The following DMXL2 variants were observed in gnomAD, a reference collection of about 807,000 sequenced individuals.
DMXL2 encodes Dmx like 2, also known as dmX-like protein 2.
DMXL2 carries 103 observed loss-of-function variants against 331.1 expected under a neutral mutation model. That is an observed-to-expected ratio of 0.31 (90% CI 0.27 to 0.37). The LOEUF is 0.37. Among genes scored for constraint, DMXL2 ranks in the 10% least tolerant of loss-of-function variants. DMXL2 has a pLI of 1.00. For missense variants in DMXL2, 3,171 were observed against 3,642.9 expected (o/e 0.87, Z 3.33); for synonymous variants, 1,281 against 1,252.1 (o/e 1.02, Z -0.49).
chr15:51,596,621 CAT>C (rs1166201791), intron 1 of DMXL2, among the ~76,000 whole-genome samples: 1 of 152,196 alleles, frequency 6.6e-6, no homozygotes, highest in Non-Finnish European at 1.5e-5. Context: ...CACATGCACA[CAT>C]ATGTTTACTG....
chr15:51,514,499 G>T lies in DMXL2; in HGVS notation c.2587C>A (p.Pro863Thr). ...FQEDFIIGYK[P>T]HKEDMEKKET... The stretch of plus-strand genomic sequence containing the variant: ...TTTTTCTCCATATCTTCCTTATGTG[G>T]TTTATATCCTATAATGAAGTCTTCT... Residue 863 changes from proline (P) to threonine (T), a missense_variant, in exon 15 of 44, where the codon CCA becomes ACA. Around this residue, in one of 7 missense-constraint regions of DMXL2, gnomAD observed 1,674 missense variants for 1,780.2 expected, o/e 0.94. Transcript: ENST00000560891. 6.3e-7 allele frequency: 1 copy of T among 1,599,068 alleles called. No individual in the cohort carries two copies. Among genetic ancestry groups the T allele is most frequent in the Non-Finnish European group, 8.5e-7 (1 of 1,172,604 alleles).
chr15:51,536,543 T>G lies in DMXL2; in HGVS notation c.1937A>C (p.Tyr646Ser). 1 of 1,613,922 alleles carries G rather than the reference T, an allele frequency of 6.2e-7. No individual in the cohort carries two copies. The highest frequency in any genetic ancestry group is 8.5e-7 in the Non-Finnish European group (1 of 1,179,928). ...ATTGAGGTGAAATCGATGACCGCAA[T>G]ATCTAAATTTGTGAGATACAGTTAG... is the stretch of plus-strand genomic sequence containing the variant. ...TVLTVSHKFRYCGHRFHLNDL... is the reference protein window; with the variant it reads ...TVLTVSHKFRSCGHRFHLNDL... Residue 646 changes from tyrosine (Y) to serine (S), a missense_variant, in exon 12 of 44, where the codon TAT becomes TCT. Physicochemically the swap from Tyr to Ser is moderately radical, Grantham distance 144 (BLOSUM62 -2). Around this residue, in one of 7 missense-constraint regions of DMXL2, gnomAD observed 1,674 missense variants for 1,780.2 expected, o/e 0.94. Coordinates refer to ENST00000560891, the MANE Select transcript of DMXL2 (RefSeq NM_001378457.1).
intron 1 of DMXL2, among the ~76,000 whole-genome samples, chr15:51,599,574 T>C (rs1367619939): frequency 1.3e-5 from 2 of 152,250 alleles, no homozygotes; most frequent in Non-Finnish European, 2.9e-5. Flanking sequence ...AATATATGCA[T>C]GTATACATAC....
In DMXL2 at chr15:51,499,982, C is replaced by T. The variant is rs757597201; in HGVS notation, c.3242G>A (p.Arg1081His). 2.5e-6 allele frequency: 4 copies of T among 1,613,998 alleles called. No homozygotes were observed. Among genetic ancestry groups the T allele is most frequent in the Admixed American group, 3.3e-5 (2 of 59,994 alleles). The change falls in exon 18 of 44, where the codon CGC (arginine) becomes CAC (histidine). Residue 1081 changes from arginine (R) to histidine (H), a missense_variant. Physicochemically the swap from Arg to His is conservative, Grantham distance 29. This residue lies in a region of DMXL2 where 1,674 missense variants were observed against 1,780.2 expected (regional missense o/e 0.94). Transcript: ENST00000560891. ...AGGCTGCTTATAAGCCACTGCAAGG[C>T]GACCTGTGTATGAACAGCTAACAGC... ...PVAVSCSYTGRLAVAYKQPIH... is the reference protein window; with the variant it reads ...PVAVSCSYTGHLAVAYKQPIH...
At position 51,455,205 on chromosome 15, in the gene DMXL2, A is replaced by C. The variant is rs754554055; in HGVS notation, c.8550T>G (p.Gly2850=). The C allele has an allele frequency of 6.2e-7, 1 of 1,613,896 alleles. No homozygotes were observed. The highest frequency in any genetic ancestry group is 8.5e-7 in the Non-Finnish European group (1 of 1,179,942). ...GGTTAACTTGCCAGATACTCAGAAA[A>C]CCCTCTCCATCCGCAACACCACACT... ...GNKCGVADGE[G]FLSIWQVNQT... The change falls in exon 40 of 44, where the codon GGT becomes GGG. Residue 2850 remains glycine (G), a synonymous_variant. Coordinates refer to ENST00000560891, the MANE Select transcript of DMXL2 (RefSeq NM_001378457.1).
Position 51,479,953 on chromosome 15 carries a change from C to T in DMXL2, c.6751G>A (p.Val2251Met). Reference sequence around the variant, plus strand: ...GATCATAAACTTTACATTACCTTCACATCTTCAATACTGGGATGAGGTGGT... The same window carrying T: ...GATCATAAACTTTACATTACCTTCATATCTTCAATACTGGGATGAGGTGGT... ...KTPPHPSIED[V>M]KVHTLHSLAA... The change falls in exon 25 of 44, where the codon GTG (valine) becomes ATG (methionine). Residue 2251 changes from valine to methionine, a missense_variant. Coordinates refer to ENST00000560891, the MANE Select transcript of DMXL2 (RefSeq NM_001378457.1). 1.3e-6 allele frequency: 2 copies of T among 1,507,634 alleles called. No homozygotes were observed. Among genetic ancestry groups the T allele is most frequent in the Non-Finnish European group, 1.8e-6 (2 of 1,114,992 alleles). The allele number at this position is 1,507,634 out of a possible 1,614,324, so 93.4% of individuals were successfully genotyped here.
In DMXL2 at chr15:51,504,005, G is replaced by A. The variant is rs893803353; in HGVS notation, c.2765-972C>T. 2.0e-5 allele frequency among the ~76,000 whole-genome samples: 3 copies of A among 151,834 alleles called. No homozygotes were observed. The East Asian group carries it at 5.8e-4, about 29-fold the overall frequency. On this transcript the variant is annotated intron_variant, in intron 16 of 43. Transcript: ENST00000560891. The stretch of plus-strand genomic sequence containing the variant: ...GACTGACAGGGAAGAATCACAACAT[G>A]TAAAAGCTAAAAGAAACCCCTTATA...
chr15:51,499,672 T>A lies in DMXL2; in HGVS notation c.3552A>T (p.Thr1184=). 6.2e-7 allele frequency: 1 copy of A among 1,614,026 alleles called. No homozygotes were observed. Among genetic ancestry groups the A allele is most frequent in the Non-Finnish European group, 8.5e-7 (1 of 1,179,968 alleles). Residue 1184 remains threonine, a synonymous_variant, in exon 18 of 44, where the codon ACA becomes ACT. Coordinates refer to ENST00000560891, the MANE Select transcript of DMXL2 (RefSeq NM_001378457.1). ...VSKEDGSHIL[T]VGVGANIFMY... Reference sequence around the variant, plus strand: ...TGAAGATATTCGCACCGACTCCCACTGTAAGAATGTGGGAGCCATCTTCTT... The same window carrying A: ...TGAAGATATTCGCACCGACTCCCACAGTAAGAATGTGGGAGCCATCTTCTT...
intron 13 of DMXL2, among the ~76,000 whole-genome samples, chr15:51,521,298 A>C (rs1248460800): frequency 6.6e-6 from 1 of 152,118 alleles, no homozygotes; most frequent in African/African-American, 2.4e-5. Context: ...TTACCTCTAA[A>C]GTATGGATAG....
chr15:51,503,025 AAGCTTT>A lies in DMXL2; in HGVS notation c.2767_2772del (p.Lys923_Ala924del). The A allele has an allele frequency of 6.2e-7, 1 of 1,603,662 alleles. No individual in the cohort carries two copies. The highest frequency in any genetic ancestry group is 1.1e-5 in the South Asian group (1 of 89,442). ...AGACTCTCAGAGGAAGCCCCTTCTG[AAGCTTT>A]AGCTTTAAAAATAAATTATAAAATT... On this transcript the variant is annotated inframe_deletion and splice_region_variant, in exon 17 of 44. Transcript: ENST00000560891.
intron 21 of DMXL2, 82 bp from the exon 22 acceptor site, chr15:51,488,201 C>G: frequency 1.6e-6 from 2 of 1,257,098 alleles, no homozygotes; most frequent in Non-Finnish European, 2.1e-6. Context: ...AAATAAAAAC[C>G]TCAAACAGAA....
chr15:51,452,028 GCATGTGTTGCTAATGAAAAC>G (rs1329153298), intron 41 of DMXL2, among the ~76,000 whole-genome samples: 1 of 152,204 alleles, frequency 6.6e-6, no homozygotes, highest in Non-Finnish European at 1.5e-5. Flanking sequence ...TTATTCATGG[GCATGTGTTGCTAATGAAAAC>G]CATGTGAGGT....
chr15:51,541,822 C>T (rs2048613313), intron 9 of DMXL2, among the ~76,000 whole-genome samples: 1 of 152,062 alleles, frequency 6.6e-6, no homozygotes, highest in Non-Finnish European at 1.5e-5. Flanking sequence ...CCTCAAAATA[C>T]TTCTCAGTCA....
Position 51,491,623 on chromosome 15 carries a change from T to A in DMXL2, c.4908A>T (p.Gly1636=). ...QWSELRAMGI[G]WWVRNINTLR... ...GCGTGTTAATGTTCCTCACCCACCATCCTATGCCCATAGCTCTTAATTCAG... is the reference window on the plus strand; with the variant it reads ...GCGTGTTAATGTTCCTCACCCACCAACCTATGCCCATAGCTCTTAATTCAG... The change falls in exon 20 of 44, where the codon GGA becomes GGT. Residue 1636 remains glycine (G), a synonymous_variant. Coordinates refer to ENST00000560891, the MANE Select transcript of DMXL2 (RefSeq NM_001378457.1). 1 of 1,612,416 alleles carries A rather than the reference T, an allele frequency of 6.2e-7. No homozygotes were observed. The highest frequency in any genetic ancestry group is 8.5e-7 in the Non-Finnish European group (1 of 1,179,466).
At chr15:51,595,286 C>A (rs936180121) in intron 1 of DMXL2, among the ~76,000 whole-genome samples, 5 of 152,136 alleles carry the variant, frequency 3.3e-5, no homozygotes, top group African/African-American at 1.2e-4. Context: ...AACAGACAAA[C>A]AGAGAGCCAA....
At chr15:51,450,382 A>T (rs1460086321) in intron 42 of DMXL2, 36 bp from the exon 43 acceptor site, 1 of 1,599,698 alleles carries the variant, frequency 6.3e-7, no homozygotes, top group East Asian at 2.2e-5. Flanking sequence ...TTCTCAAAAC[A>T]ATTTCTTGTC....
chr15:51,587,611 T>C (rs186750726), intron 1 of DMXL2, among the ~76,000 whole-genome samples: 5 of 152,328 alleles, frequency 3.3e-5, no homozygotes, highest in East Asian at 3.9e-4. Context: ...CTATTGTGAA[T>C]AGTGCCGCAG....
Position 51,474,546 on chromosome 15 carries a change from G to A in DMXL2, c.7011C>T (p.Asp2337=). ...ATAGCAAAATGTTCAGTTTTGGCTG[G>A]TCTTCATCTTGGGCTGAACTCAAAA... is the stretch of plus-strand genomic sequence containing the variant. The part of the protein sequence containing the change: ...INLLSSAQDE[D]QPKLNILLCE... Residue 2337 remains aspartate, a synonymous_variant, in exon 28 of 44, where the codon GAC becomes GAT. Coordinates refer to ENST00000560891, the MANE Select transcript of DMXL2 (RefSeq NM_001378457.1). The A allele has an allele frequency of 6.2e-7, 1 of 1,614,020 alleles. No individual in the cohort carries two copies. The highest frequency in any genetic ancestry group is 8.5e-7 in the Non-Finnish European group (1 of 1,179,958).
At chr15:51,590,421 G>C (rs1398701076) in intron 1 of DMXL2, among the ~76,000 whole-genome samples, 1 of 152,214 alleles carries the variant, frequency 6.6e-6, no homozygotes, top group East Asian at 1.9e-4. Flanking sequence ...GCAGTCCACA[G>C]AAATGAGTCC....
Sources: allele counts gnomAD v4.1 joint callset (sites outside exome capture counted in the v4.1 genomes callset), GRCh38; gene constraint gnomAD v4.1.1; regional missense constraint gnomAD v4.1.1; transcripts MANE v1.5; gene names NCBI Gene and HGNC (gene_info 2026-07-23, HGNC 2026-07-21).